Variants in BCL11A observed in about 807,000 individuals in gnomAD.
The protein encoded by BCL11A is BCL11 transcription factor A.
A neutral mutation model predicts 55.9 loss-of-function variants in BCL11A; 2 were observed. The observed-to-expected ratio is 0.04, with a 90% CI of 0.01 to 0.11. The LOEUF (loss-of-function observed/expected upper bound fraction) is 0.11, where lower values mean the gene tolerates loss of function less well. Ranked by LOEUF, BCL11A falls within the 10% of genes least tolerant of loss-of-function variation. The pLI is 1.00. For synonymous variants in BCL11A, 465 were observed against 473.4 expected (o/e 0.98, Z 0.23); for missense variants, 817 against 1,137.1 (o/e 0.72, Z 4.05).
At chr2:60,482,866 C>A (rs943360429) in intron 2 of BCL11A, among the ~76,000 whole-genome samples, 2 of 152,218 alleles carry the variant, frequency 1.3e-5, no homozygotes, top group Non-Finnish European at 2.9e-5. Context: ...TCCAACTAGA[C>A]AAATAATTGC....
chr2:60,553,092 G>C (rs1670489178), intron 1 of BCL11A, 124 bp downstream of exon 1: 4 of 993,136 alleles, frequency 4.0e-6, no homozygotes, highest in Non-Finnish European at 5.7e-6. Context: ...GACTCTCGGA[G>C]GTTTTTCTCG....
At position 60,460,284 on chromosome 2, in the gene BCL11A, T is replaced by A. The variant is rs1372037785; in HGVS notation, c.*120A>T. 3 of 1,462,368 alleles carry A rather than the reference T, an allele frequency of 2.1e-6. No individual in the cohort carries two copies. The highest frequency in any genetic ancestry group is 2.7e-6 in the Non-Finnish European group (3 of 1,107,838). 90.6% of individuals were successfully genotyped at this position (1,462,368 alleles called of 1,614,324 possible). ...TTACTTCTGTTTGTTTGTTTGTTTG[T>A]TTAAATCACATGGGACTAGAAAAAA... On this transcript the variant is annotated 3_prime_UTR_variant, in exon 4 of 4. Coordinates refer to ENST00000642384, the MANE Select transcript of BCL11A (RefSeq NM_022893.4).
chr2:60,479,365 C>A (rs1158599423), intron 2 of BCL11A, among the ~76,000 whole-genome samples: 1 of 152,216 alleles, frequency 6.6e-6, no homozygotes, highest in Non-Finnish European at 1.5e-5. Context: ...TCTAAGACTG[C>A]TTGGGAAATG....
intron 2 of BCL11A, among the ~76,000 whole-genome samples, chr2:60,480,895 G>C (rs1455307841): frequency 6.6e-6 from 1 of 152,110 alleles, no homozygotes; most frequent in African/African-American, 2.4e-5. Context: ...AGAACAGTGT[G>C]AAGTACCTCC....
In BCL11A at chr2:60,510,527, G is replaced by T. The variant is rs192251997; in HGVS notation, c.385+35444C>A. On this transcript the variant is annotated intron_variant, in intron 2 of 3. Coordinates refer to ENST00000642384, the MANE Select transcript of BCL11A (RefSeq NM_022893.4). ...TACCCCTCTTCCCCACCTTATTTTC[G>T]TGCAGGCAGTTTGATCTTCTCTTGC... 4.6e-5 allele frequency among the ~76,000 whole-genome samples: 7 copies of T among 152,048 alleles called. No individual in the cohort carries two copies. The South Asian group carries it at 6.2e-4, about 14-fold the overall frequency.
intron 2 of BCL11A, among the ~76,000 whole-genome samples, chr2:60,521,820 G>T (rs1669010375): frequency 6.6e-6 from 1 of 152,102 alleles, no homozygotes; most frequent in Non-Finnish European, 1.5e-5. Context: ...TCACCACGAG[G>T]CACAGAGGCA....
chr2:60,462,071 G>A lies in BCL11A; in HGVS notation c.841C>T (p.Arg281Cys). Residue 281 changes from arginine (R) to cysteine (C), a missense_variant, in exon 4 of 4, where the codon CGC becomes TGC. Around this residue, in one of 4 missense-constraint regions of BCL11A, gnomAD observed 363 missense variants for 486.6 expected, o/e 0.75. Coordinates refer to ENST00000642384, the MANE Select transcript of BCL11A (RefSeq NM_022893.4). Reference protein sequence around the residue: ...RHHLDPHRIERLGAEEMALAT... With the variant: ...RHHLDPHRIECLGAEEMALAT... ...AGGGCCATCTCTTCCGCCCCCAGGC[G>A]CTCTATGCGGTGGGGGTCCAAGTGA... 6.3e-7 allele frequency: 1 copy of A among 1,585,706 alleles called. No homozygotes were observed. The highest frequency in any genetic ancestry group is 8.6e-7 in the Non-Finnish European group (1 of 1,166,296).
At chr2:60,534,875 T>C (rs141519521) in intron 2 of BCL11A, 108 of 152,370 alleles carry the variant, frequency 7.1e-4, no homozygotes, top group African/African-American at 2.3e-3. Context: ...GTAAATTAAA[T>C]ATGTCAAATC....
chr2:60,546,453 G>A lies in BCL11A; in HGVS notation c.56-153C>T. On this transcript the variant is annotated intron_variant, in intron 1 of 3. Transcript: ENST00000642384. This position sits in a 1 kb window ranked among gnomAD's most constrained non-coding sequence, Gnocchi z 4.1. ...CCCAGAAAATGTGAGCATACAAAAAGTACAAGGATGTGAAGGTTATCAACC... is the reference window on the plus strand; with the variant it reads ...CCCAGAAAATGTGAGCATACAAAAAATACAAGGATGTGAAGGTTATCAACC... 5.9e-6 allele frequency: 4 copies of A among 677,028 alleles called. No individual in the cohort carries two copies. Among genetic ancestry groups the A allele is most frequent in the Non-Finnish European group, 9.9e-6 (4 of 405,536 alleles). The allele number at this position is 677,028 out of a possible 1,614,324, so 41.9% of individuals were successfully genotyped here. A position where few individuals can be genotyped will look rare whatever the true frequency, so the allele number is the denominator to read the frequency against.
intron 2 of BCL11A, among the ~76,000 whole-genome samples, chr2:60,515,228 C>T (rs138292729): frequency 1.4e-3 from 216 of 152,318 alleles, no homozygotes; most frequent in Non-Finnish European, 2.1e-3. Context: ...AACCCCAGCA[C>T]TTTCACTTTT....
At chr2:60,544,396 G>T (rs1374934445) in intron 2 of BCL11A, 4 of 152,270 alleles carry the variant, frequency 2.6e-5, no homozygotes, top group Non-Finnish European at 5.9e-5. Context: ...ATCCTGCTGG[G>T]GGGTAGGGGA....
At chr2:60,540,992 G>GTGTGTGTGT (rs1371737091) in intron 2 of BCL11A, among the ~76,000 whole-genome samples, 4 of 135,868 alleles carry the variant, frequency 2.9e-5, no homozygotes, top group Admixed American at 1.5e-4. Context: ...GTGTGTGTGT[G>GTGTGTGTGT]GTTATTTTGT....
exon 5 of BCL11A, chr2:60,451,596 G>A (rs543807046): frequency 1.7e-5 from 4 of 231,372 alleles, no homozygotes; most frequent in Admixed American, 1.7e-4. Context: ...ATTTCCTGAT[G>A]TAAGTACTAA....
At chr2:60,497,653 G>A (rs1015418991) in intron 2 of BCL11A, among the ~76,000 whole-genome samples, 4 of 151,856 alleles carry the variant, frequency 2.6e-5, no homozygotes, top group African/African-American at 9.7e-5. Flanking sequence ...AGCTTCCACT[G>A]GATGGCACTT....
chr2:60,475,838 G>A (rs564984748), intron 2 of BCL11A, among the ~76,000 whole-genome samples: 5 of 152,210 alleles, frequency 3.3e-5, no homozygotes, highest in African/African-American at 7.2e-5. Flanking sequence ...ACCACTCCCC[G>A]GATTCTTTTC....
At chr2:60,540,337 G>T (rs1283125941) in intron 2 of BCL11A, among the ~76,000 whole-genome samples, 2 of 152,214 alleles carry the variant, frequency 1.3e-5, no homozygotes, top group Non-Finnish European at 2.9e-5. Context: ...ACAGACTTGG[G>T]CTTGGGGTAA....
intron 2 of BCL11A, among the ~76,000 whole-genome samples, chr2:60,510,269 G>C (rs546255183): frequency 3.9e-5 from 6 of 152,244 alleles, no homozygotes; most frequent in African/African-American, 1.4e-4. Context: ...CAAGGAGCCA[G>C]CTGGTCTCCT....
At chr2:60,512,130 AGCTGGGGAGCTGCAGATGAAC>A (rs890158701) in intron 2 of BCL11A, among the ~76,000 whole-genome samples, 3 of 152,196 alleles carry the variant, frequency 2.0e-5, no homozygotes, top group African/African-American at 4.8e-5. Flanking sequence ...GGAGCACTGG[AGCTGGGGAGCTGCAGATGAAC>A]CCCTGTGCTC....
At chr2:60,500,712 A>G (rs45500794) in intron 2 of BCL11A, among the ~76,000 whole-genome samples, 5,465 of 152,274 alleles carry the variant, frequency 0.036, 143 homozygotes, top group Non-Finnish European at 0.061. Context: ...CCTGGAACTC[A>G]CAGTCGGGGC....
Sources: gnomAD v4.1 joint callset for allele counts (sites outside exome capture counted in the v4.1 genomes callset) on GRCh38, gnomAD v4.1.1 for gene constraint, gnomAD v4.1.1 regional missense constraint, Gnocchi (gnomAD v3.1) non-coding constraint, MANE v1.5 for transcripts, NCBI Gene and HGNC (gene_info 2026-07-23, HGNC 2026-07-21) for gene names.